The following VPS13B variants were observed in gnomAD, a reference collection of about 807,000 sequenced individuals.
VPS13B encodes the protein intermembrane lipid transfer protein VPS13B.
Under a neutral mutation model 426.4 loss-of-function variants are expected in VPS13B, and 285 were observed. The ratio of observed to expected loss-of-function variants is 0.67; its 90% CI spans 0.61 to 0.74. The LOEUF is 0.74. Among genes scored for constraint, VPS13B ranks in the 30% least tolerant of loss-of-function variants. The pLI, the probability that VPS13B is intolerant of heterozygous loss-of-function variation, is 0.00. For synonymous variants in VPS13B, 1,676 were observed against 1,676.4 expected (o/e 1.00, Z 0.01); for missense variants, 4,537 against 4,782.6 (o/e 0.95, Z 1.51).
intron 15 of VPS13B, among the ~76,000 whole-genome samples, chr8:99,163,978 A>G (rs1238926167): frequency 5.9e-5 from 9 of 152,152 alleles, no homozygotes. Context: ...CCCTCTAAAC[A>G]GGACACCCCA....
chr8:99,743,545 A>T (rs531303773), intron 39 of VPS13B, among the ~76,000 whole-genome samples: 1 of 152,324 alleles, frequency 6.6e-6, no homozygotes, highest in African/African-American at 2.4e-5. Context: ...ACAAAGCTGG[A>T]GGTATCACGC....
chr8:99,872,499 A>G (rs760984244), intron 61 of VPS13B, among the ~76,000 whole-genome samples: 1 of 152,184 alleles, frequency 6.6e-6, no homozygotes, highest in Non-Finnish European at 1.5e-5. Context: ...CTGGGTGTCA[A>G]GAGTCAAGGG....
chr8:99,178,242 G>A (rs1812746908), intron 16 of VPS13B, among the ~76,000 whole-genome samples: 1 of 151,364 alleles, frequency 6.6e-6, no homozygotes, highest in African/African-American at 2.4e-5. Context: ...GTGCCATGCT[G>A]GTGCGCTGCA....
intron 19 of VPS13B, among the ~76,000 whole-genome samples, chr8:99,302,532 CAG>C (rs1185853579): frequency 6.6e-6 from 1 of 151,844 alleles, no homozygotes; most frequent in African/African-American, 2.4e-5. Flanking sequence ...TTATTAAAGA[CAG>C]AGTTTCACTC....
At chr8:99,651,184 G>A (rs1362587667) in intron 34 of VPS13B, among the ~76,000 whole-genome samples, 1 of 151,936 alleles carries the variant, frequency 6.6e-6, no homozygotes, top group Non-Finnish European at 1.5e-5. Flanking sequence ...TAAATAAGTG[G>A]AATCTATACC....
chr8:99,492,897 A>G (rs1219309913), intron 25 of VPS13B, among the ~76,000 whole-genome samples: 1 of 152,172 alleles, frequency 6.6e-6, no homozygotes. Context: ...AGTCCCAATG[A>G]GAAGAATCAG....
At chr8:99,546,743 T>A (rs1824001570) in intron 30 of VPS13B, among the ~76,000 whole-genome samples, 1 of 151,976 alleles carries the variant, frequency 6.6e-6, no homozygotes, top group African/African-American at 2.4e-5. Context: ...AATGAAAGAA[T>A]GTAATTAAAG....
chr8:99,835,469 C>T (rs1815340031), intron 53 of VPS13B, 70 bp from the exon 54 acceptor site: 5 of 1,547,910 alleles, frequency 3.2e-6, no homozygotes, highest in Non-Finnish European at 3.6e-6. Context: ...TCTTTTGCCA[C>T]ATTATGTTCT....
Position 99,140,274 on chromosome 8 carries a change from A to T in VPS13B, c.1652-2700A>T, listed in dbSNP as rs552622632. 2.7e-5 allele frequency among the ~76,000 whole-genome samples: 4 copies of T among 150,688 alleles called. No individual in the cohort carries two copies. The South Asian group carries it at 8.5e-4, about 32-fold the overall frequency. ...CAGCTACTTGGGAGGCTGAGGCAGG[A>T]GAATCACTTGAAACCGGAAGGTGGA... is the stretch of plus-strand genomic sequence containing the variant. On this transcript the variant is annotated intron_variant, in intron 12 of 61. Coordinates refer to ENST00000357162, the MANE Select transcript of VPS13B (RefSeq NM_152564.5).
At chr8:99,850,491 GTTAT>G (rs1032456815) in intron 55 of VPS13B, among the ~76,000 whole-genome samples, 12 of 152,022 alleles carry the variant, frequency 7.9e-5, no homozygotes, top group Admixed American at 7.8e-4. Flanking sequence ...GGGTTAATGA[GTTAT>G]TTAATATGTA....
intron 31 of VPS13B, among the ~76,000 whole-genome samples, chr8:99,568,286 TATTATTA>T (rs1563800939): frequency 5.4e-5 from 8 of 148,578 alleles, no homozygotes; most frequent in Non-Finnish European, 8.9e-5. Flanking sequence ...CTATTATTAT[TATTATTA>T]TTATTATTTT....
intron 39 of VPS13B, among the ~76,000 whole-genome samples, chr8:99,738,712 T>C (rs1377354787): frequency 1.3e-5 from 2 of 152,242 alleles, no homozygotes; most frequent in African/African-American, 2.4e-5. Context: ...TATTTTACCA[T>C]TGAGTATAAA....
chr8:99,453,811 T>C (rs1163550257), intron 23 of VPS13B, among the ~76,000 whole-genome samples: 1 of 152,184 alleles, frequency 6.6e-6, no homozygotes. Context: ...CTCCTAAACC[T>C]GCGCAGCCTC....
chr8:99,489,916 C>T (rs1343669759), intron 25 of VPS13B, among the ~76,000 whole-genome samples: 1 of 152,072 alleles, frequency 6.6e-6, no homozygotes, highest in African/African-American at 2.4e-5. Flanking sequence ...GCCTGATTGC[C>T]CTGGTTGGAA....
At chr8:99,181,911 A>T (rs998491580) in intron 16 of VPS13B, among the ~76,000 whole-genome samples, 1 of 152,182 alleles carries the variant, frequency 6.6e-6, no homozygotes, top group African/African-American at 2.4e-5. Flanking sequence ...TATTGTATAC[A>T]GAATATATGA....
rs199528303 is a variant in VPS13B at position 99,778,970 on chromosome 8, T to C, written c.7718T>C (p.Phe2573Ser). 16 of 1,613,934 alleles carry C rather than the reference T, an allele frequency of 9.9e-6. No homozygotes were observed. The African/African-American group carries it at 2.0e-4, about 20-fold the overall frequency. Reference sequence around the variant, plus strand: ...TGCACCGTGATAGTTGATTCTGTATTTGTAAACCTTGGACAGCATGTAGTC... The same window carrying C: ...TGCACCGTGATAGTTGATTCTGTATCTGTAAACCTTGGACAGCATGTAGTC... ...LDCTVIVDSV[F>S]VNLGQHVVHS... Residue 2573 changes from phenylalanine (F) to serine (S), a missense_variant, in exon 42 of 62, where the codon TTT (phenylalanine) becomes TCT (serine). Phe to Ser is a radical substitution (Grantham distance 155). Coordinates refer to ENST00000357162, the MANE Select transcript of VPS13B (RefSeq NM_152564.5).
chr8:99,437,742 A>AAT (rs1378084970), intron 22 of VPS13B, among the ~76,000 whole-genome samples: 3 of 152,068 alleles, frequency 2.0e-5, no homozygotes, highest in Non-Finnish European at 4.4e-5. Flanking sequence ...AAAGAATAAA[A>AAT]ATATATAAAC....
In VPS13B at chr8:99,274,335, A is replaced by T. The variant is rs373041941; in HGVS notation, c.2650+3A>T. On this transcript the variant is annotated splice_donor_region_variant and intron_variant, in intron 18 of 61. Transcript: ENST00000357162. The stretch of plus-strand genomic sequence containing the variant: ...AAAAATTTGTGCCAAAGCCCCAGGT[A>T]TGTGCAGCTGGACCGTGTAAAACTT... 25 of 1,613,974 alleles carry T rather than the reference A, an allele frequency of 1.5e-5. No individual in the cohort carries two copies. The highest frequency in any genetic ancestry group is 2.1e-5 in the Non-Finnish European group (25 of 1,180,006).
chr8:99,663,284 G>GA (rs1266585807), intron 35 of VPS13B, among the ~76,000 whole-genome samples: 1 of 152,176 alleles, frequency 6.6e-6, no homozygotes, highest in African/African-American at 2.4e-5. Context: ...TGTCACTGGG[G>GA]ACGAATTCTT....
Sources: allele counts gnomAD v4.1 joint callset (sites outside exome capture counted in the v4.1 genomes callset), GRCh38; gene constraint gnomAD v4.1.1; transcripts MANE v1.5; gene names NCBI Gene and HGNC (gene_info 2026-07-23, HGNC 2026-07-21).